LURAP1L: variants seen among roughly 807,000 people sequenced by gnomAD.
LURAP1L encodes the protein leucine rich adaptor protein 1-like.
LURAP1L carries 12 observed loss-of-function variants against 13.8 expected under a neutral mutation model. The observed-to-expected ratio is 0.87, with a 90% CI of 0.56 to 1.41. The LOEUF is 1.41. LURAP1L is among the 40% of genes most tolerant of loss of function. LURAP1L has a pLI of 0.00. For missense variants in LURAP1L, 375 were observed against 292.9 expected, an observed-to-expected ratio of 1.28 and a Z score of -2.04; for synonymous variants, 139 against 119.2, an observed-to-expected ratio of 1.17 and a Z score of -1.08.
intron 1 of LURAP1L, among the ~76,000 whole-genome samples, chr9:12,811,970 T>C (rs565368372): frequency 6.6e-6 from 1 of 152,256 alleles, no homozygotes; most frequent in African/African-American, 2.4e-5. Flanking sequence ...GACAGGTCTA[T>C]GTCCTTGCTA....
intron 1 of LURAP1L, among the ~76,000 whole-genome samples, chr9:12,818,629 G>A (rs1040961335): frequency 6.6e-6 from 1 of 152,200 alleles, no homozygotes; most frequent in Non-Finnish European, 1.5e-5. Context: ...CAGCAGAGGA[G>A]GCTGGAGCCC....
rs1304426765 is a variant in LURAP1L, at chr9:12,822,681, C to A, written c.*921C>A. The stretch of plus-strand genomic sequence containing the variant: ...GCTTCCCTAAAGCAGAATTGTTATT[C>A]ATTTAAGAAGTCTAATATGATATAC... On this transcript the variant is annotated 3_prime_UTR_variant, in exon 2 of 2. Coordinates refer to ENST00000319264, the MANE Select transcript of LURAP1L (RefSeq NM_203403.2). Among the ~76,000 whole-genome samples, 1 of 152,078 alleles carries A rather than the reference C, an allele frequency of 6.6e-6. No homozygotes were observed. The highest frequency in any genetic ancestry group is 2.1e-4 in the South Asian group (1 of 4,828).
Position 12,775,565 on chromosome 9 carries a change from A to G in LURAP1L, c.-151A>G, listed in dbSNP as rs1819158005. The G allele has an allele frequency of 1.5e-6, 2 of 1,294,066 alleles. No homozygotes were observed. Among genetic ancestry groups the G allele is most frequent in the Admixed American group, 3.3e-5 (1 of 30,250 alleles). 80.2% of individuals were successfully genotyped at this position (1,294,066 alleles called of 1,614,324 possible). On this transcript the variant is annotated 5_prime_UTR_variant, in exon 1 of 2. It adds an upstream start codon to the 5' untranslated region. Coordinates refer to ENST00000319264, the MANE Select transcript of LURAP1L (RefSeq NM_203403.2). ...GCGGATTTCAGGGCTGATACCGCAT[A>G]GGCGGTTATGGAAAGGACGGTACAC...
chr9:12,801,219 A>G (rs1819581204), intron 1 of LURAP1L, among the ~76,000 whole-genome samples: 1 of 152,020 alleles, frequency 6.6e-6, no homozygotes, highest in South Asian at 2.1e-4. Flanking sequence ...TTCATCCAAG[A>G]GCATCCAACC....
intron 1 of LURAP1L, among the ~76,000 whole-genome samples, chr9:12,819,750 C>G (rs1236936671): frequency 6.6e-6 from 1 of 151,812 alleles, no homozygotes; most frequent in Non-Finnish European, 1.5e-5. Flanking sequence ...GTCAGGAGTT[C>G]AAGACCAGCC....
At chr9:12,811,298 A>T (rs546012975) in intron 1 of LURAP1L, among the ~76,000 whole-genome samples, 275 of 152,288 alleles carry the variant, frequency 1.8e-3, no homozygotes, top group African/African-American at 6.5e-3. Flanking sequence ...TTATTATCTA[A>T]GTTTAGTCTA....
chr9:12,780,039 C>G (rs1210309003), intron 1 of LURAP1L, among the ~76,000 whole-genome samples: 1 of 152,122 alleles, frequency 6.6e-6, no homozygotes, highest in Non-Finnish European at 1.5e-5. Flanking sequence ...ACGACCAGTT[C>G]AAGTTTTAGA....
chr9:12,792,108 C>T (rs1315118282), intron 1 of LURAP1L, among the ~76,000 whole-genome samples: 1 of 152,054 alleles, frequency 6.6e-6, no homozygotes, highest in Non-Finnish European at 1.5e-5. Context: ...ATTCAGTTCT[C>T]ACAAATCATC....
chr9:12,785,915 T>C (rs2118474587), intron 1 of LURAP1L, among the ~76,000 whole-genome samples: 1 of 152,302 alleles, frequency 6.6e-6, no homozygotes, highest in East Asian at 1.9e-4. Flanking sequence ...GGGGTGACAA[T>C]TGCTGGAGGG....
In LURAP1L at chr9:12,787,778, C is replaced by T. The variant is rs10960797; in HGVS notation, c.312+11751C>T. ...TCACCGCGTGTGCCTGAAAGTCATACGTTCATAATTTATGATGGAAGCTTT... is the reference window on the plus strand; with the variant it reads ...TCACCGCGTGTGCCTGAAAGTCATATGTTCATAATTTATGATGGAAGCTTT... On this transcript the variant is annotated intron_variant, in intron 1 of 1. Coordinates refer to ENST00000319264, the MANE Select transcript of LURAP1L (RefSeq NM_203403.2). Among the ~76,000 whole-genome samples the T allele has an allele frequency of 2.4e-3, 369 of 152,170 alleles. 1 individual carries two copies. Among genetic ancestry groups the T allele is most frequent in the Non-Finnish European group, 3.9e-3 (267 of 68,014 alleles).
chr9:12,807,140 G>A (rs1161060365), intron 1 of LURAP1L, among the ~76,000 whole-genome samples: 2 of 133,898 alleles, frequency 1.5e-5, no homozygotes, highest in Non-Finnish European at 3.2e-5. Context: ...GGTGGCAGGC[G>A]CCTGTAGTCC....
intron 1 of LURAP1L, chr9:12,777,119 C>A: frequency 2.0e-6 from 1 of 501,912 alleles, no homozygotes; most frequent in Non-Finnish European, 2.6e-6. Context: ...ATCACTCCGA[C>A]AGGAATGCTG....
chr9:12,782,619 C>G (rs938515151), intron 1 of LURAP1L, among the ~76,000 whole-genome samples: 4 of 152,130 alleles, frequency 2.6e-5, no homozygotes, highest in Admixed American at 6.5e-5. Context: ...ATGCCAGTAT[C>G]ATGCTGTTTT....
Position 12,806,659 on chromosome 9 carries a change from C to A in LURAP1L, c.313-14727C>A, listed in dbSNP as rs1331118455. Among the ~76,000 whole-genome samples, 6 of 151,944 alleles carry A rather than the reference C, an allele frequency of 3.9e-5. No homozygotes were observed. In the East Asian group the frequency reaches 1.2e-3, roughly 30 times the overall value. ...TTACTTTTAGAAGTCTATAAATATT[C>A]TCAAGGAATTTTGAAAATTTTGAAA... On this transcript the variant is annotated intron_variant, in intron 1 of 1. Coordinates refer to ENST00000319264, the MANE Select transcript of LURAP1L (RefSeq NM_203403.2).
At chr9:12,786,146 C>A (rs184055622) in intron 1 of LURAP1L, among the ~76,000 whole-genome samples, 1 of 152,016 alleles carries the variant, frequency 6.6e-6, no homozygotes, top group Non-Finnish European at 1.5e-5. Flanking sequence ...CATTCTCATG[C>A]CTCACCCACT....
intron 1 of LURAP1L, among the ~76,000 whole-genome samples, chr9:12,792,361 C>A (rs1217503099): frequency 6.6e-6 from 1 of 152,062 alleles, no homozygotes; most frequent in African/African-American, 2.4e-5. Flanking sequence ...AAAAAGATTT[C>A]TCCTGTGAGA....
At chr9:12,784,957 T>G (rs1013234534) in intron 1 of LURAP1L, among the ~76,000 whole-genome samples, 1 of 151,818 alleles carries the variant, frequency 6.6e-6, no homozygotes, top group Non-Finnish European at 1.5e-5. Context: ...TCTCCTCTCT[T>G]ATTTCCTCAA....
At chr9:12,783,837 T>G (rs1185488784) in intron 1 of LURAP1L, among the ~76,000 whole-genome samples, 1 of 151,648 alleles carries the variant, frequency 6.6e-6, no homozygotes, top group African/African-American at 2.4e-5. Context: ...CTTTTTTTTT[T>G]TTTTTAATAA....
In LURAP1L at chr9:12,776,028, G is replaced by A; in HGVS notation, c.312+1G>A. 1.2e-6 allele frequency: 2 copies of A among 1,612,914 alleles called. No individual in the cohort carries two copies. Among genetic ancestry groups the A allele is most frequent in the Non-Finnish European group, 1.7e-6 (2 of 1,179,694 alleles). On this transcript the variant is annotated splice_donor_variant, in intron 1 of 1. Coordinates refer to ENST00000319264, the MANE Select transcript of LURAP1L (RefSeq NM_203403.2). LOFTEE classifies it high-confidence loss of function. ...GCTTCACCTCCTCAGGCAAGAGATG[G>A]TGAGTGTGGTGCGCCAGCCGCGGGG...
Sources: allele counts gnomAD v4.1 joint callset (sites outside exome capture counted in the v4.1 genomes callset), GRCh38; gene constraint gnomAD v4.1.1; transcripts MANE v1.5; gene names NCBI Gene and HGNC (gene_info 2026-07-23, HGNC 2026-07-21).